The following SNTN variants were observed in gnomAD, a reference collection of about 807,000 sequenced individuals.
SNTN encodes sentan.
In SNTN, 13 loss-of-function variants were observed where a neutral mutation model predicts 12.3. That is an observed-to-expected ratio of 1.05 (90% CI 0.69 to 1.67). The LOEUF is 1.67. Among genes scored for constraint, SNTN ranks in the 40% most tolerant of loss-of-function variants. The probability of loss-of-function intolerance (pLI) is 0.00; values close to 1 mark genes in which losing one functional copy is unlikely to be tolerated. For missense variants in SNTN, 189 were observed against 169.8 expected, an observed-to-expected ratio of 1.11 and a Z score of -0.63; for synonymous variants, 69 against 58.5, an observed-to-expected ratio of 1.18 and a Z score of -0.82.
At chr3:63,661,405 T>G (rs1700742924) in intron 3 of SNTN, among the ~76,000 whole-genome samples, 1 of 152,168 alleles carries the variant, frequency 6.6e-6, no homozygotes, top group Non-Finnish European at 1.5e-5. Context: ...CACCTATATA[T>G]GGTTTCAGTG....
rs1700631635 is a variant in SNTN, at chr3:63,652,675, A to G, written c.-13A>G. On this transcript the variant is annotated 5_prime_UTR_variant, in exon 1 of 4. Coordinates refer to ENST00000343837, the MANE Select transcript of SNTN (RefSeq NM_001080537.2). ...TGCTTAGGAAGGACTGACACAAAAC[A>G]GAAGATGAGAGAATGGGTGGCTGTA... The G allele has an allele frequency of 1.9e-6, 3 of 1,611,224 alleles. No homozygotes were observed. The African/African-American group carries it at 4.0e-5, about 22-fold the overall frequency.
At chr3:63,661,856 A>C (rs1473897066) in intron 3 of SNTN, among the ~76,000 whole-genome samples, 1 of 152,202 alleles carries the variant, frequency 6.6e-6, no homozygotes. Context: ...GCAAATGCTC[A>C]GCAAGCTTTT....
At chr3:63,658,082 A>G (rs1420583544) in intron 2 of SNTN, among the ~76,000 whole-genome samples, 2 of 152,080 alleles carry the variant, frequency 1.3e-5, no homozygotes, top group Non-Finnish European at 2.9e-5. Flanking sequence ...GCTTTTGCCT[A>G]CAAACACCCT....
At chr3:63,656,465 G>A (rs2106939564) in intron 2 of SNTN, among the ~76,000 whole-genome samples, 1 of 152,216 alleles carries the variant, frequency 6.6e-6, no homozygotes, top group South Asian at 2.1e-4. Flanking sequence ...GATGTGTTAA[G>A]ACTTAGGAGA....
chr3:63,652,943 G>A (rs1559559516), intron 1 of SNTN, 146 bp downstream of exon 1: 1 of 657,732 alleles, frequency 1.5e-6, no homozygotes, highest in East Asian at 2.8e-5. Context: ...AATTGACTTG[G>A]AAAAACAAAG....
At chr3:63,656,104 T>C (rs1700676943) in intron 2 of SNTN, among the ~76,000 whole-genome samples, 1 of 152,198 alleles carries the variant, frequency 6.6e-6, no homozygotes, top group Non-Finnish European at 1.5e-5. Flanking sequence ...ATAACTGATA[T>C]TAGGACAAGT....
intron 3 of SNTN, among the ~76,000 whole-genome samples, chr3:63,660,476 A>G (rs1370314392): frequency 6.6e-6 from 1 of 152,176 alleles, no homozygotes; most frequent in Non-Finnish European, 1.5e-5. Context: ...GGGAATAACT[A>G]GCTGTGGGGA....
In SNTN at chr3:63,664,214, C is replaced by G. The variant is rs1700776895; in HGVS notation, c.*119C>G. 1.0e-6 allele frequency: 1 copy of G among 985,210 alleles called. No homozygotes were observed. Among genetic ancestry groups the G allele is most frequent in the Admixed American group, 3.0e-5 (1 of 33,456 alleles). The allele number at this position is 985,210 out of a possible 1,614,324, so 61.0% of individuals were successfully genotyped here. A position where few individuals can be genotyped will look rare whatever the true frequency, so the allele number is the denominator to read the frequency against. ...GCATCTGAAATTGCCTAGGATGGTT[C>G]TGATTGCTGGTATTCAGATCCAATG... On this transcript the variant is annotated 3_prime_UTR_variant, in exon 4 of 4. Transcript: ENST00000343837.
intron 3 of SNTN, among the ~76,000 whole-genome samples, chr3:63,661,070 T>C (rs552773037): frequency 7.9e-4 from 121 of 152,380 alleles, no homozygotes; most frequent in African/African-American, 2.7e-3. Flanking sequence ...TCATTATTCT[T>C]ATTGTAAATT....
At chr3:63,660,077 T>C (rs1053894779) in intron 3 of SNTN, among the ~76,000 whole-genome samples, 6 of 151,990 alleles carry the variant, frequency 3.9e-5, no homozygotes, top group Non-Finnish European at 4.4e-5. Flanking sequence ...AAAAAAGTAA[T>C]TAAAAATAGT....
Position 63,664,114 on chromosome 3 carries a change from T to C in SNTN, c.*19T>C, listed in dbSNP as rs1215431827. Reference sequence around the variant, plus strand: ...GAAATGAACAGTTTTAAATATGCTGTATAAAATAATGGCAAAAGACAGTGT... The same window carrying C: ...GAAATGAACAGTTTTAAATATGCTGCATAAAATAATGGCAAAAGACAGTGT... On this transcript the variant is annotated 3_prime_UTR_variant, in exon 4 of 4. Transcript: ENST00000343837. The C allele has an allele frequency of 3.8e-6, 6 of 1,566,628 alleles. No individual in the cohort carries two copies. Among genetic ancestry groups the C allele is most frequent in the Non-Finnish European group, 5.2e-6 (6 of 1,154,074 alleles).
At chr3:63,658,608 G>A (rs971413605) in intron 2 of SNTN, among the ~76,000 whole-genome samples, 1 of 151,596 alleles carries the variant, frequency 6.6e-6, no homozygotes, top group Non-Finnish European at 1.5e-5. Context: ...TTGCTATGTT[G>A]ACCAGGCTGG....
At chr3:63,652,949 CAA>C (rs1700636437) in intron 1 of SNTN, 152 bp downstream of exon 1, 2 of 646,572 alleles carry the variant, frequency 3.1e-6, no homozygotes, top group Admixed American at 3.0e-5. Flanking sequence ...CTTGGAAAAA[CAA>C]AGACAACAAA....
chr3:63,654,756 T>G lies in SNTN; in HGVS notation c.111-6T>G. On this transcript the variant is annotated splice_region_variant and splice_polypyrimidine_tract_variant and intron_variant, in intron 1 of 3. Coordinates refer to ENST00000343837, the MANE Select transcript of SNTN (RefSeq NM_001080537.2). The stretch of plus-strand genomic sequence containing the variant: ...AATCATTCTGTTTCTTTCATTTTGT[T>G]GGCAGGATTTCAATATCCAAACAAC... 1 of 1,613,138 alleles carries G rather than the reference T, an allele frequency of 6.2e-7. No individual in the cohort carries two copies. Among genetic ancestry groups the G allele is most frequent in the African/African-American group, 1.3e-5 (1 of 75,022 alleles).
rs1218942123 is a variant in SNTN, at chr3:63,663,697, C to G, written c.286-240C>G. The G allele has an allele frequency of 7.9e-6, 5 of 629,080 alleles. No homozygotes were observed. The Admixed American group carries it at 1.1e-4, about 14-fold the overall frequency. 39.0% of individuals were successfully genotyped at this position (629,080 alleles called of 1,614,324 possible). A position where few individuals can be genotyped will look rare whatever the true frequency, so the allele number is the denominator to read the frequency against. ...GCTGTGTGATCTGTTCATACACCAG[C>G]TCCCCTTCACCTTCTACCATGAGTG... On this transcript the variant is annotated intron_variant, in intron 3 of 3. Coordinates refer to ENST00000343837, the MANE Select transcript of SNTN (RefSeq NM_001080537.2).
At chr3:63,659,997 C>T (rs1177901011) in intron 3 of SNTN, 133 bp downstream of exon 3, 5 of 1,039,534 alleles carry the variant, frequency 4.8e-6, no homozygotes, top group Non-Finnish European at 7.0e-6. Flanking sequence ...CTACCTTATG[C>T]CAGGCAGTGA....
At chr3:63,654,119 G>A (rs565465199) in intron 1 of SNTN, among the ~76,000 whole-genome samples, 7 of 151,984 alleles carry the variant, frequency 4.6e-5, no homozygotes, top group Non-Finnish European at 7.4e-5. Flanking sequence ...ACTTTTTATC[G>A]AGTTACCTGC....
chr3:63,657,998 CT>C (rs1700701641), intron 2 of SNTN, among the ~76,000 whole-genome samples: 1 of 152,164 alleles, frequency 6.6e-6, no homozygotes, highest in Admixed American at 6.6e-5. Context: ...GCTCAAAATG[CT>C]TTGATGCCTT....
chr3:63,656,809 T>C (rs556267708), intron 2 of SNTN, among the ~76,000 whole-genome samples: 2 of 152,330 alleles, frequency 1.3e-5, no homozygotes, highest in South Asian at 4.1e-4. Context: ...GAAAGAGTCC[T>C]GCAAAATACA....
Sources: gnomAD v4.1 joint callset for allele counts (sites outside exome capture counted in the v4.1 genomes callset) on GRCh38, gnomAD v4.1.1 for gene constraint, MANE v1.5 for transcripts, NCBI Gene and HGNC (gene_info 2026-07-23, HGNC 2026-07-21) for gene names.